Variants in RHOA observed in about 807,000 individuals in gnomAD.
RHOA encodes transforming protein RhoA.
RHOA carries 3 observed loss-of-function variants against 17.5 expected under a neutral mutation model. The ratio of observed to expected loss-of-function variants is 0.17; its 90% CI spans 0.08 to 0.44. The LOEUF is 0.44. Ranked by LOEUF, RHOA falls within the 20% of genes least tolerant of loss-of-function variation. The pLI, the probability that RHOA is intolerant of heterozygous loss-of-function variation, is 0.99. For synonymous variants in RHOA, 98 were observed against 88.4 expected, an observed-to-expected ratio of 1.11 and a Z score of -0.61; for missense variants, 56 against 242.3, an observed-to-expected ratio of 0.23 and a Z score of 5.10.
chr3:49,397,129 C>CAAA (rs141767876), intron 1 of RHOA, among the ~76,000 whole-genome samples: 7 of 86,226 alleles, frequency 8.1e-5, no homozygotes, highest in African/African-American at 1.8e-4. Context: ...AATCCTGTCT[C>CAAA]AAAAAAAAAA....
intron 1 of RHOA, among the ~76,000 whole-genome samples, chr3:49,389,577 C>CT (rs1364429737): frequency 6.6e-6 from 1 of 152,186 alleles, no homozygotes; most frequent in Non-Finnish European, 1.5e-5. Flanking sequence ...CTTCTTACTT[C>CT]TTACAGCAGT....
intron 1 of RHOA, among the ~76,000 whole-genome samples, chr3:49,382,957 G>C (rs1481786431): frequency 3.3e-5 from 5 of 151,886 alleles, no homozygotes; most frequent in African/African-American, 9.7e-5. Flanking sequence ...GAGATGCTGA[G>C]GCAGGAGAAT....
At chr3:49,376,864 C>T (rs1249780192) in intron 1 of RHOA, among the ~76,000 whole-genome samples, 1 of 152,022 alleles carries the variant, frequency 6.6e-6, no homozygotes, top group Non-Finnish European at 1.5e-5. Context: ...CGCGGTGGCT[C>T]ACGCCTATAA....
At chr3:49,372,696 T>C (rs923534350) in intron 2 of RHOA, among the ~76,000 whole-genome samples, 1 of 133,732 alleles carries the variant, frequency 7.5e-6, no homozygotes, top group East Asian at 2.4e-4. Context: ...ATCACGCCAC[T>C]GCACTCCAGC....
chr3:49,396,678 G>A (rs1395652147), intron 1 of RHOA, among the ~76,000 whole-genome samples: 5 of 152,030 alleles, frequency 3.3e-5, no homozygotes, highest in African/African-American at 1.2e-4. Context: ...CTGCTCTCCA[G>A]ACTGGGCAAC....
intron 1 of RHOA, among the ~76,000 whole-genome samples, chr3:49,387,454 A>G (rs1463272448): frequency 2.0e-5 from 3 of 147,458 alleles, no homozygotes; most frequent in African/African-American, 7.5e-5. Context: ...GGGGGAAAAA[A>G]AAAAAAAGGG....
At chr3:49,375,649 A>C (rs2048214255) in intron 1 of RHOA, 58 bp from the exon 2 acceptor site, 1 of 1,554,702 alleles carries the variant, frequency 6.4e-7, no homozygotes, top group Non-Finnish European at 8.8e-7. Flanking sequence ...GGTAGCTTAC[A>C]GGATGACACA....
chr3:49,399,306 C>T (rs944863362), intron 1 of RHOA, among the ~76,000 whole-genome samples: 2 of 150,724 alleles, frequency 1.3e-5, no homozygotes, highest in African/African-American at 4.9e-5. Flanking sequence ...GGAGGCGGAG[C>T]TTGCAGTGAG....
intron 2 of RHOA, among the ~76,000 whole-genome samples, chr3:49,369,093 T>C (rs1250118402): frequency 7.5e-6 from 1 of 132,488 alleles, no homozygotes; most frequent in Non-Finnish European, 1.5e-5. Flanking sequence ...GGCAAGATCT[T>C]GGCTCACTGC....
intron 1 of RHOA, among the ~76,000 whole-genome samples, chr3:49,388,596 G>GC (rs1348303526): frequency 6.6e-6 from 1 of 152,066 alleles, no homozygotes; most frequent in Non-Finnish European, 1.5e-5. Context: ...GCAACTCTCC[G>GC]CATTTCACAT....
Position 49,369,307 on chromosome 3 carries a change from GCC to G in RHOA, c.157-761_157-760del, listed in dbSNP as rs1559498376. ...CAAAGTGCTGGGATTACAGGCATGA[GCC>G]ACCACACCCGGCCGAGTATTCACTT... On this transcript the variant is annotated intron_variant, in intron 2 of 4. Transcript: ENST00000418115. Among the ~76,000 whole-genome samples the G allele has an allele frequency of 4.6e-5, 7 of 150,982 alleles. No homozygotes were observed. In the East Asian group the frequency reaches 1.4e-3, roughly 30 times the overall value.
chr3:49,408,664 G>GTATA (rs60933862), intron 1 of RHOA, among the ~76,000 whole-genome samples: 41,959 of 151,904 alleles, frequency 0.28, 6,295 homozygotes, highest in Middle Eastern at 0.32. Context: ...AGAGCCCCAT[G>GTATA]TATAGCAAGG....
chr3:49,363,902 C>G (rs1000488910), intron 3 of RHOA, among the ~76,000 whole-genome samples: 1 of 151,938 alleles, frequency 6.6e-6, no homozygotes, highest in East Asian at 1.9e-4. Context: ...AAAAACTTAG[C>G]AGTTTACAGT....
intron 1 of RHOA, among the ~76,000 whole-genome samples, chr3:49,391,858 C>T (rs2048517279): frequency 9.0e-6 from 1 of 111,366 alleles, no homozygotes; most frequent in South Asian, 2.8e-4. Flanking sequence ...GACAGCGTTT[C>T]GATCTTGTCC....
chr3:49,384,855 G>A (rs1260031697), intron 1 of RHOA, among the ~76,000 whole-genome samples: 1 of 152,080 alleles, frequency 6.6e-6, no homozygotes, highest in Non-Finnish European at 1.5e-5. Context: ...GAGGTCAGGA[G>A]TTCGAAACCA....
At chr3:49,411,022 G>T (rs891547634) in intron 1 of RHOA, among the ~76,000 whole-genome samples, 2 of 152,214 alleles carry the variant, frequency 1.3e-5, no homozygotes, top group South Asian at 4.1e-4. Flanking sequence ...CGTAACTGTA[G>T]ATCCAATCAG....
chr3:49,362,681 T>G, intron 3 of RHOA, 55 bp from the exon 4 acceptor site: 1 of 1,454,294 alleles, frequency 6.9e-7, no homozygotes, highest in Non-Finnish European at 9.4e-7. Context: ...CTTGAAGACT[T>G]TCCAAGAACC....
intron 3 of RHOA, chr3:49,366,487 A>G (rs2048059441): frequency 6.6e-6 from 1 of 152,134 alleles, no homozygotes; most frequent in African/African-American, 2.4e-5. Context: ...CCTGTAGTCC[A>G]AGCTACTTGG....
intron 1 of RHOA, among the ~76,000 whole-genome samples, chr3:49,404,320 C>G (rs1185670298): frequency 7.1e-6 from 1 of 140,746 alleles, no homozygotes; most frequent in Non-Finnish European, 1.5e-5. Flanking sequence ...AAAAGCCAGG[C>G]GCAGTGGCTC....
Sources: allele counts gnomAD v4.1 joint callset (sites outside exome capture counted in the v4.1 genomes callset), GRCh38; gene constraint gnomAD v4.1.1; transcripts MANE v1.5; gene names NCBI Gene and HGNC (gene_info 2026-07-23, HGNC 2026-07-21).